MDFIC: variants seen among roughly 807,000 people sequenced by gnomAD.
MDFIC encodes the protein MyoD family inhibitor domain containing, also known as myoD family inhibitor domain-containing protein.
MDFIC carries 17 observed loss-of-function variants against 23.2 expected under a neutral mutation model. The ratio of observed to expected loss-of-function variants is 0.73; its 90% CI spans 0.50 to 1.10. The LOEUF is 1.10. Ranked by LOEUF, MDFIC falls within the 50% of genes least tolerant of loss-of-function variation. The pLI, the probability that MDFIC is intolerant of heterozygous loss-of-function variation, is 0.00. For missense variants in MDFIC, 356 were observed against 316.6 expected, an observed-to-expected ratio of 1.12 and a Z score of -0.95; for synonymous variants, 120 against 115.2, an observed-to-expected ratio of 1.04 and a Z score of -0.27.
intron 4 of MDFIC, among the ~76,000 whole-genome samples, chr7:115,007,499 T>A (rs1791592021): frequency 6.6e-6 from 1 of 151,462 alleles, no homozygotes; most frequent in African/African-American, 2.4e-5. Flanking sequence ...AAAACTGACT[T>A]TCTGGGTAAA....
intron 4 of MDFIC, among the ~76,000 whole-genome samples, chr7:114,985,615 T>C (rs1793497426): frequency 6.6e-6 from 1 of 152,016 alleles, no homozygotes; most frequent in African/African-American, 2.4e-5. Flanking sequence ...CTGGTTATTT[T>C]TTTCTGATCC....
intron 4 of MDFIC, among the ~76,000 whole-genome samples, chr7:114,983,134 C>G (rs1170374787): frequency 6.6e-6 from 1 of 152,168 alleles, no homozygotes; most frequent in Admixed American, 6.5e-5. Flanking sequence ...TTTGTTAAAT[C>G]ATCATCTTCT....
At chr7:115,006,934 A>ACT in intron 4 of MDFIC, among the ~76,000 whole-genome samples, 1 of 3,702 alleles carries the variant, frequency 2.7e-4, no homozygotes, top group Non-Finnish European at 1.4e-3. Flanking sequence ...AGTAAAGTAT[A>ACT]GTTTCTAGCT....
intron 3 of MDFIC, among the ~76,000 whole-genome samples, chr7:114,944,545 G>A (rs1792608269): frequency 6.6e-6 from 1 of 152,136 alleles, no homozygotes; most frequent in Admixed American, 6.5e-5. Context: ...ATTCTGGATA[G>A]CATTTGAAAG....
chr7:114,988,107 A>G (rs773727613), intron 4 of MDFIC, among the ~76,000 whole-genome samples: 1 of 152,246 alleles, frequency 6.6e-6, no homozygotes, highest in African/African-American at 2.4e-5. Context: ...GCTATCAGCT[A>G]TGTATGGACT....
chr7:114,989,631 A>G (rs1324434598), intron 4 of MDFIC, among the ~76,000 whole-genome samples: 2 of 152,182 alleles, frequency 1.3e-5, no homozygotes, highest in African/African-American at 4.8e-5. Context: ...GACATTGTCA[A>G]AGCAAGAGAA....
chr7:114,931,720 A>G (rs1238998107), intron 2 of MDFIC, among the ~76,000 whole-genome samples: 1 of 152,206 alleles, frequency 6.6e-6, no homozygotes, highest in Non-Finnish European at 1.5e-5. Flanking sequence ...AGGTTGAGAG[A>G]GGATTTCAGG....
At chr7:114,977,352 C>CA (rs1793336128) in intron 3 of MDFIC, among the ~76,000 whole-genome samples, 2 of 152,076 alleles carry the variant, frequency 1.3e-5, no homozygotes, top group South Asian at 4.1e-4. Context: ...CATGTCCATC[C>CA]ATTCAGTAGG....
intron 4 of MDFIC, among the ~76,000 whole-genome samples, chr7:114,981,027 T>C (rs1299563174): frequency 6.6e-6 from 1 of 152,208 alleles, no homozygotes; most frequent in Non-Finnish European, 1.5e-5. Flanking sequence ...CACTTTAAAA[T>C]GAGTTTGACA....
chr7:115,006,890 G>A (rs1389836818), intron 4 of MDFIC, among the ~76,000 whole-genome samples: 2 of 152,064 alleles, frequency 1.3e-5, no homozygotes, highest in African/African-American at 4.8e-5. Context: ...ATTTCAACTG[G>A]CCAACTGAAA....
At chr7:115,011,137 C>G (rs1269280337) in intron 4 of MDFIC, among the ~76,000 whole-genome samples, 1 of 152,156 alleles carries the variant, frequency 6.6e-6, no homozygotes, top group Non-Finnish European at 1.5e-5. Context: ...AGAGCATGGT[C>G]TCAGGAGGTT....
chr7:114,962,209 T>C (rs1430239745), intron 3 of MDFIC, among the ~76,000 whole-genome samples: 1 of 152,224 alleles, frequency 6.6e-6, no homozygotes, highest in Admixed American at 6.5e-5. Context: ...TCAACCTCTG[T>C]GTTTCTCAAT....
At chr7:114,977,845 T>A (rs1793345603) in intron 3 of MDFIC, among the ~76,000 whole-genome samples, 1 of 149,250 alleles carries the variant, frequency 6.7e-6, no homozygotes, top group Non-Finnish European at 1.5e-5. Context: ...AAGTATACTA[T>A]ACCCAAATAT....
At chr7:114,925,414 G>A (rs573909688) in intron 2 of MDFIC, among the ~76,000 whole-genome samples, 5 of 152,128 alleles carry the variant, frequency 3.3e-5, no homozygotes, top group African/African-American at 1.2e-4. Flanking sequence ...TCTAGTATTA[G>A]CATTAAGAAT....
intron 4 of MDFIC, among the ~76,000 whole-genome samples, chr7:114,996,624 G>A (rs1033094927): frequency 7.2e-5 from 11 of 152,180 alleles, no homozygotes; most frequent in African/African-American, 1.4e-4. Flanking sequence ...GGTGCAGAAT[G>A]TATAGTGGAT....
At chr7:114,984,187 G>T (rs1001743318) in intron 4 of MDFIC, among the ~76,000 whole-genome samples, 1 of 152,156 alleles carries the variant, frequency 6.6e-6, no homozygotes, top group African/African-American at 2.4e-5. Flanking sequence ...GGGCCAAGCA[G>T]GGATCTTCTT....
At chr7:114,959,586 G>T (rs1025000880) in intron 3 of MDFIC, among the ~76,000 whole-genome samples, 1 of 152,040 alleles carries the variant, frequency 6.6e-6, no homozygotes, top group Non-Finnish European at 1.5e-5. Flanking sequence ...TCATTATTCA[G>T]ATAACTTAAT....
At chr7:114,992,744 G>A (rs1300489971) in intron 4 of MDFIC, among the ~76,000 whole-genome samples, 1 of 152,068 alleles carries the variant, frequency 6.6e-6, no homozygotes, top group Admixed American at 6.6e-5. Context: ...TTCTGGATTC[G>A]GTTTGCCAGT....
chr7:114,922,797 G>C, intron 1 of MDFIC, 130 bp from the exon 2 acceptor site: 2 of 1,332,802 alleles, frequency 1.5e-6, no homozygotes, highest in Non-Finnish European at 2.0e-6. Context: ...TTCTTCGCAA[G>C]TTTCAAATCA....
Sources: gnomAD v4.1 joint callset for allele counts (sites outside exome capture counted in the v4.1 genomes callset) on GRCh38, gnomAD v4.1.1 for gene constraint, MANE v1.5 for transcripts, NCBI Gene and HGNC (gene_info 2026-07-23, HGNC 2026-07-21) for gene names.